Variants in GALK2 observed in about 807,000 individuals in gnomAD.
The protein encoded by GALK2 is N-acetylgalactosamine kinase.
Under a neutral mutation model 52.4 loss-of-function variants are expected in GALK2, and 36 were observed. That is an observed-to-expected ratio of 0.69 (90% CI 0.53 to 0.91). GALK2 has a LOEUF of 0.91. Ranked by LOEUF, GALK2 falls within the 40% of genes least tolerant of loss-of-function variation. GALK2 has a pLI of 0.00. For missense variants in GALK2, 579 were observed against 559.1 expected (o/e 1.04, Z -0.36); for synonymous variants, 176 against 199.1 (o/e 0.88, Z 0.98).
chr15:49,358,430 T>G (rs1049124482), intron 3 of GALK2, among the ~76,000 whole-genome samples: 8 of 134,016 alleles, frequency 6.0e-5, no homozygotes, highest in Non-Finnish European at 1.3e-4. Context: ...ACAAGCATTC[T>G]TATACACCAA....
intron 7 of GALK2, among the ~76,000 whole-genome samples, chr15:49,288,000 T>C (rs369825831): frequency 2.1e-4 from 32 of 152,334 alleles, no homozygotes; most frequent in African/African-American, 7.7e-4. Context: ...TGCAAATTCA[T>C]AAAAAGTCAG....
intron 8 of GALK2, among the ~76,000 whole-genome samples, chr15:49,316,028 A>T (rs1487580644): frequency 2.0e-5 from 3 of 152,252 alleles, no homozygotes; most frequent in African/African-American, 7.2e-5. Flanking sequence ...GTTTTATTAC[A>T]GGATATGGCC....
chr15:49,287,805 A>G (rs559279618), intron 7 of GALK2, among the ~76,000 whole-genome samples: 10 of 152,302 alleles, frequency 6.6e-5, no homozygotes, highest in African/African-American at 2.4e-4. Context: ...TTTTTCTCAG[A>G]TCCTTTTTTG....
intron 9 of GALK2, among the ~76,000 whole-genome samples, chr15:49,322,960 TAAAAAAA>T (rs548865053): frequency 1.9e-4 from 13 of 68,160 alleles, no homozygotes; most frequent in South Asian, 1.7e-3. Flanking sequence ...CCATCTCAGG[TAAAAAAA>T]AAAAAAAAAG....
intron 8 of GALK2, among the ~76,000 whole-genome samples, chr15:49,317,925 G>A (rs905915875): frequency 3.9e-5 from 6 of 152,094 alleles, no homozygotes; most frequent in African/African-American, 1.4e-4. Flanking sequence ...TGGGAGCTAG[G>A]GGAGGGATAG....
intron 5 of GALK2, among the ~76,000 whole-genome samples, chr15:49,242,837 T>C (rs985475536): frequency 2.6e-5 from 4 of 152,228 alleles, no homozygotes; most frequent in Non-Finnish European, 5.9e-5. Flanking sequence ...AAGACTTACC[T>C]ACTCTTTTTC....
At chr15:49,283,434 TG>T in intron 6 of GALK2, 131 bp from the exon 7 acceptor site, 1 of 746,600 alleles carries the variant, frequency 1.3e-6, no homozygotes, top group Non-Finnish European at 2.2e-6. Flanking sequence ...GTACAGCGCC[TG>T]GAGGTCAATA....
chr15:49,167,419 C>T (rs898277699), upstream of GALK2, among the ~76,000 whole-genome samples: 8 of 152,030 alleles, frequency 5.3e-5, no homozygotes, highest in South Asian at 2.1e-4. Flanking sequence ...AGTGCAGTGG[C>T]GTGATTTTGG....
intron 5 of GALK2, among the ~76,000 whole-genome samples, chr15:49,268,017 G>A (rs1433070493): frequency 3.3e-5 from 5 of 152,144 alleles, no homozygotes; most frequent in Admixed American, 6.5e-5. Context: ...CATTTATCAG[G>A]GGAAGATTTT....
At chr15:49,164,035 G>C (rs934303174) in intron 1 of GALK2, among the ~76,000 whole-genome samples, 2 of 152,122 alleles carry the variant, frequency 1.3e-5, no homozygotes, top group African/African-American at 2.4e-5. Context: ...AAGAAAACTC[G>C]TGGCATACTC....
intron 1 of GALK2, among the ~76,000 whole-genome samples, chr15:49,200,009 G>C (rs1566929975): frequency 6.6e-6 from 1 of 151,820 alleles, no homozygotes; most frequent in Non-Finnish European, 1.5e-5. Flanking sequence ...TTTGGGTGTG[G>C]GTCTCTGTTT....
downstream of GALK2, chr15:49,331,894 T>G: frequency 9.0e-7 from 1 of 1,114,836 alleles, no homozygotes; most frequent in Non-Finnish European, 1.4e-6. Context: ...TAATTGTCCT[T>G]ATATTGACAC....
intron 8 of GALK2, among the ~76,000 whole-genome samples, chr15:49,299,738 T>C (rs200222146): frequency 0.075 from 5,507 of 73,816 alleles, 118 homozygotes; most frequent in Non-Finnish European, 0.091. Flanking sequence ...TTCTTTCTTT[T>C]CTTTCTTTCT....
At chr15:49,205,729 A>T (rs1212025351) in intron 2 of GALK2, among the ~76,000 whole-genome samples, 1 of 152,000 alleles carries the variant, frequency 6.6e-6, no homozygotes, top group Non-Finnish European at 1.5e-5. Flanking sequence ...AAAGCTCTTT[A>T]GTTTAATTAG....
At chr15:49,292,048 CA>C (rs142501722) in intron 7 of GALK2, among the ~76,000 whole-genome samples, 6 of 146,092 alleles carry the variant, frequency 4.1e-5, no homozygotes, top group African/African-American at 5.0e-5. Context: ...GGTGACAGGC[CA>C]AAAAAAAAAT....
At chr15:49,344,252 ATTT>A (rs1236180515) in intron 3 of GALK2, 2 of 152,126 alleles carry the variant, frequency 1.3e-5, no homozygotes, top group Non-Finnish European at 2.9e-5. Flanking sequence ...AATTATTTTC[ATTT>A]TTCTGTGTCT....
chr15:49,193,192 T>G (rs905574640), intron 1 of GALK2, among the ~76,000 whole-genome samples: 6 of 151,620 alleles, frequency 4.0e-5, no homozygotes, highest in Non-Finnish European at 8.8e-5. Context: ...GAGACAGGGT[T>G]TCACCATGTT....
intron 8 of GALK2, among the ~76,000 whole-genome samples, chr15:49,296,728 T>C (rs2034513694): frequency 1.3e-5 from 2 of 152,034 alleles, no homozygotes; most frequent in South Asian, 4.1e-4. Flanking sequence ...GCCTCCCGAG[T>C]AGCTGGGGTT....
intron 5 of GALK2, among the ~76,000 whole-genome samples, chr15:49,240,266 A>C (rs1322088305): frequency 2.6e-5 from 4 of 152,188 alleles, no homozygotes; most frequent in Non-Finnish European, 4.4e-5. Flanking sequence ...TGAGAAGAGA[A>C]GAAGCAAGGG....
Sources: gnomAD v4.1 joint callset for allele counts (sites outside exome capture counted in the v4.1 genomes callset) on GRCh38, gnomAD v4.1.1 for gene constraint, MANE v1.5 for transcripts, NCBI Gene and HGNC (gene_info 2026-07-23, HGNC 2026-07-21) for gene names.